Variants in ANKRD30B observed in about 807,000 individuals in gnomAD.
The protein encoded by ANKRD30B is ankyrin repeat domain 30B, also known as ankyrin repeat domain-containing protein 30B.
In ANKRD30B, 144 loss-of-function variants were observed where a neutral mutation model predicts 202.2. That is an observed-to-expected ratio of 0.71 (90% CI 0.62 to 0.82). The LOEUF (loss-of-function observed/expected upper bound fraction) is 0.82, where lower values mean the gene tolerates loss of function less well. ANKRD30B is among the 40% of genes least tolerant of loss of function. ANKRD30B has a pLI of 0.00. For synonymous variants in ANKRD30B, 508 were observed against 561.3 expected, an observed-to-expected ratio of 0.91 and a Z score of 1.34; for missense variants, 1,487 against 1,669.1, an observed-to-expected ratio of 0.89 and a Z score of 1.90.
At chr18:14,836,792 T>C (rs1394302939) in intron 34 of ANKRD30B, among the ~76,000 whole-genome samples, 3 of 151,968 alleles carry the variant, frequency 2.0e-5, no homozygotes, top group African/African-American at 7.3e-5. Context: ...TGCCTTATTA[T>C]TTTGCACATG....
At chr18:14,866,293 T>C in the ANKRD30B span, among the ~76,000 whole-genome samples, 3 of 151,782 alleles carry the variant, frequency 2.0e-5, no homozygotes, top group African/African-American at 7.3e-5. Flanking sequence ...CTCTAGATGG[T>C]GGTGGCAACA....
intron 1 of ANKRD30B, among the ~76,000 whole-genome samples, chr18:14,749,985 A>G (rs1913169460): frequency 6.6e-6 from 1 of 152,060 alleles, no homozygotes; most frequent in African/African-American, 2.4e-5. Context: ...TTAATATACA[A>G]AAAGATAAAA....
At chr18:14,848,269 A>C (rs2143245675) in intron 39 of ANKRD30B, among the ~76,000 whole-genome samples, 1 of 152,204 alleles carries the variant, frequency 6.6e-6, no homozygotes, top group Non-Finnish European at 1.5e-5. Context: ...AAGAAGAAAA[A>C]TCAATACCTG....
chr18:14,861,293 A>C, the ANKRD30B span, among the ~76,000 whole-genome samples: 3 of 152,336 alleles, frequency 2.0e-5, no homozygotes, highest in East Asian at 5.8e-4. Flanking sequence ...CTTGATTGTA[A>C]ATGGCTGAAA....
intron 1 of ANKRD30B, among the ~76,000 whole-genome samples, chr18:14,751,980 G>T (rs1913524967): frequency 6.6e-6 from 1 of 152,018 alleles, no homozygotes; most frequent in South Asian, 2.1e-4. Flanking sequence ...ATTATAAATG[G>T]CATTTCAATG....
At chr18:14,852,444 C>G in intron 42 of ANKRD30B, 24 bp downstream of exon 42, 1 of 1,506,330 alleles carries the variant, frequency 6.6e-7, no homozygotes, top group Non-Finnish European at 8.8e-7. Flanking sequence ...AATATAAATA[C>G]TTTTCAAACT....
chr18:14,914,519 T>C, the ANKRD30B span, among the ~76,000 whole-genome samples: 1 of 152,198 alleles, frequency 6.6e-6, no homozygotes, highest in East Asian at 1.9e-4. Context: ...TTAGACCAAA[T>C]AGACAGCACT....
At chr18:14,809,835 C>G in intron 26 of ANKRD30B, 151 bp from the exon 27 acceptor site, 1 of 764,602 alleles carries the variant, frequency 1.3e-6, no homozygotes, top group South Asian at 1.4e-5. Context: ...GACATGTTAA[C>G]AAATACAATA....
intron 32 of ANKRD30B, among the ~76,000 whole-genome samples, chr18:14,823,648 G>T (rs548008147): frequency 6.6e-6 from 1 of 152,182 alleles, no homozygotes; most frequent in East Asian, 1.9e-4. Flanking sequence ...GCCTGAATTA[G>T]CTTTTGTTGT....
chr18:14,861,338 A>AT, the ANKRD30B span, among the ~76,000 whole-genome samples: 1 of 152,218 alleles, frequency 6.6e-6, no homozygotes, highest in Non-Finnish European at 1.5e-5. Flanking sequence ...GGCAAACTGG[A>AT]TAAAAAAAAG....
At chr18:14,934,090 C>T in the ANKRD30B span, among the ~76,000 whole-genome samples, 1 of 152,232 alleles carries the variant, frequency 6.6e-6, no homozygotes, top group African/African-American at 2.4e-5. Flanking sequence ...CCATAAAAAG[C>T]AAGCAAGGGG....
At chr18:14,842,636 A>G (rs564273833) in intron 37 of ANKRD30B, among the ~76,000 whole-genome samples, 147 of 152,404 alleles carry the variant, frequency 9.6e-4, no homozygotes, top group African/African-American at 3.3e-3. Context: ...ACATATTAAT[A>G]TCAACACATT....
the ANKRD30B span, among the ~76,000 whole-genome samples, chr18:14,874,977 A>G: frequency 2.0e-5 from 3 of 152,196 alleles, no homozygotes; most frequent in Admixed American, 2.0e-4. Context: ...ATACAGGTCC[A>G]CTCAGGCTGC....
At chr18:14,933,656 A>T in the ANKRD30B span, among the ~76,000 whole-genome samples, 8 of 152,030 alleles carry the variant, frequency 5.3e-5, no homozygotes, top group Admixed American at 5.2e-4. Context: ...GCTGGGAGAT[A>T]TGCGTGCAAG....
In ANKRD30B at chr18:14,797,654, C is replaced by T. The variant is rs749154625; in HGVS notation, c.1928-7C>T. ...ATAATCAATTATAAATGTCCCTTTT[C>T]TTTTAGAGTCTCCTGATAAAGATGG... On this transcript the variant is annotated splice_polypyrimidine_tract_variant and splice_region_variant and intron_variant, in intron 18 of 43. Coordinates refer to ENST00000690538, the MANE Select transcript of ANKRD30B (RefSeq NM_001367607.2). The T allele has an allele frequency of 6.2e-7, 1 of 1,606,218 alleles. No individual in the cohort carries two copies. The highest frequency in any genetic ancestry group is 1.3e-5 in the African/African-American group (1 of 74,726).
chr18:14,821,053 T>C lies in ANKRD30B; in HGVS notation c.2642-1430T>C, dbSNP rs987786958. Among the ~76,000 whole-genome samples, 263 of 152,340 alleles carry C rather than the reference T, an allele frequency of 1.7e-3. 1 individual carries two copies. Among genetic ancestry groups the C allele is most frequent in the African/African-American group, 5.6e-3 (233 of 41,564 alleles). On this transcript the variant is annotated intron_variant, in intron 30 of 43. Coordinates refer to ENST00000690538, the MANE Select transcript of ANKRD30B (RefSeq NM_001367607.2). ...CCACAATTTCAGATCCTGTTATTGT[T>C]CTATTCAGAGATTCAACTTCTTCCT...
At chr18:14,861,918 C>T in the ANKRD30B span, among the ~76,000 whole-genome samples, 2 of 152,212 alleles carry the variant, frequency 1.3e-5, no homozygotes, top group South Asian at 4.2e-4. Flanking sequence ...TTTTAAAAAT[C>T]ACAACTATAT....
the ANKRD30B span, among the ~76,000 whole-genome samples, chr18:14,932,712 T>C: frequency 2.6e-5 from 4 of 152,302 alleles, no homozygotes; most frequent in East Asian, 7.7e-4. Flanking sequence ...CTGTAGCCCC[T>C]GCTCCCCAGT....
chr18:14,859,970 A>G, the ANKRD30B span, among the ~76,000 whole-genome samples: 11 of 95,444 alleles, frequency 1.2e-4, no homozygotes, highest in African/African-American at 1.7e-4. Flanking sequence ...AGATGGGGCG[A>G]CCGGGAAGAG....
Sources: gnomAD v4.1 joint callset for allele counts (sites outside exome capture counted in the v4.1 genomes callset) on GRCh38, gnomAD v4.1.1 for gene constraint, MANE v1.5 for transcripts, NCBI Gene and HGNC (gene_info 2026-07-23, HGNC 2026-07-21) for gene names.